Variants in MYH10 observed in about 807,000 individuals in gnomAD.
MYH10 encodes myosin-10.
In MYH10, 55 loss-of-function variants were observed where a neutral mutation model predicts 257.8. That is an observed-to-expected ratio of 0.21 (90% CI 0.17 to 0.27). MYH10 has a LOEUF of 0.27. Among genes scored for constraint, MYH10 ranks in the 10% least tolerant of loss-of-function variants. The pLI, the probability that MYH10 is intolerant of heterozygous loss-of-function variation, is 1.00. For missense variants in MYH10, 1,631 were observed against 2,500.6 expected (o/e 0.65, Z 7.42); for synonymous variants, 854 against 921.7 (o/e 0.93, Z 1.33).
chr17:8,499,067 GTTC>G (rs1037965206), intron 30 of MYH10, among the ~76,000 whole-genome samples, 200 bp downstream of exon 30: 3 of 152,160 alleles, frequency 2.0e-5, no homozygotes, highest in African/African-American at 7.2e-5. Flanking sequence ...ATCATGCTGT[GTTC>G]TTCTTAAAAT....
intron 7 of MYH10, among the ~76,000 whole-genome samples, chr17:8,564,857 G>C (rs1308727818): frequency 6.6e-6 from 1 of 152,116 alleles, no homozygotes. Flanking sequence ...AAATAAACAG[G>C]ATACTGTGAT....
intron 2 of MYH10, among the ~76,000 whole-genome samples, chr17:8,614,307 C>CTTTTTTTTTTTTTT (rs35801623): frequency 2.6e-5 from 2 of 77,122 alleles, no homozygotes; most frequent in Non-Finnish European, 4.9e-5. Flanking sequence ...CAATTCACTT[C>CTTTTTTTTTTTTTT]TTTTTTTTTT....
intron 7 of MYH10, among the ~76,000 whole-genome samples, chr17:8,555,479 A>G (rs757016590): frequency 6.6e-6 from 1 of 152,242 alleles, no homozygotes; most frequent in Non-Finnish European, 1.5e-5. Flanking sequence ...GGAATTGATC[A>G]TGTATGTAAG....
intron 33 of MYH10, 122 bp from the exon 34 acceptor site, chr17:8,492,631 C>CTTTTTTTTTTTTTTTTTTTTTTCTTT: frequency 1.1e-6 from 1 of 949,304 alleles, no homozygotes; most frequent in Non-Finnish European, 1.5e-6. Flanking sequence ...CTTGTATTTC[C>CTTTTTTTTTTTTTTTTTTTTTTCTTT]TTTTTTTTTT....
chr17:8,619,857 G>A (rs953172381), intron 2 of MYH10, among the ~76,000 whole-genome samples: 2 of 151,948 alleles, frequency 1.3e-5, no homozygotes, highest in African/African-American at 2.4e-5. Flanking sequence ...ACCGGGAGGC[G>A]GAGGTTGCGA....
chr17:8,477,386 C>T lies in MYH10; in HGVS notation c.5707-338G>A, dbSNP rs1912858980. On this transcript the variant is annotated intron_variant, in intron 41 of 42. Coordinates refer to ENST00000360416, the MANE Select transcript of MYH10 (RefSeq NM_001256012.3). This position sits in a 1 kb window ranked among gnomAD's most constrained non-coding sequence, Gnocchi z 4.2. ...AAAGGGAATTGCTATTCTTGCAAAA[C>T]GTGGAAGAACCAGCAATGTGGGACA... Among the ~76,000 whole-genome samples the T allele has an allele frequency of 6.6e-6, 1 of 152,128 alleles. No individual in the cohort carries two copies. The highest frequency in any genetic ancestry group is 6.5e-5 in the Admixed American group (1 of 15,276).
chr17:8,491,466 C>A (rs983059413), intron 34 of MYH10, among the ~76,000 whole-genome samples: 1 of 152,210 alleles, frequency 6.6e-6, no homozygotes, highest in Non-Finnish European at 1.5e-5. Context: ...AAAGGTGGGA[C>A]CACCTTCGCT....
chr17:8,621,406 C>T (rs768670974), intron 2 of MYH10, among the ~76,000 whole-genome samples: 3 of 152,042 alleles, frequency 2.0e-5, no homozygotes, highest in African/African-American at 7.3e-5. Context: ...ACTCCAAAGA[C>T]GGCCACTGAA....
At position 8,521,052 on chromosome 17, in the gene MYH10, T is replaced by C; in HGVS notation, c.2151+40A>G. Reference sequence around the variant, plus strand: ...TTTAATCTTTAGCATCTGACCTAGATCAGTTTTAAATACTAGCATATGTTT... The same window carrying C: ...TTTAATCTTTAGCATCTGACCTAGACCAGTTTTAAATACTAGCATATGTTT... On this transcript the variant is annotated intron_variant, in intron 18 of 42. Coordinates refer to ENST00000360416, the MANE Select transcript of MYH10 (RefSeq NM_001256012.3). 4 of 1,612,700 alleles carry C rather than the reference T, an allele frequency of 2.5e-6. No individual in the cohort carries two copies. In the East Asian group the frequency reaches 6.7e-5, roughly 27 times the overall value.
At chr17:8,511,061 C>CATATATATATATATATAT (rs1567823709) in intron 24 of MYH10, 2 of 65,696 alleles carry the variant, frequency 3.0e-5, no homozygotes, top group Non-Finnish European at 7.0e-5. Flanking sequence ...TATATATATA[C>CATATATATATATATATAT]ACACATACAT....
At chr17:8,502,480 T>TTGTGTGTATGTG (rs2080926372) in intron 28 of MYH10, among the ~76,000 whole-genome samples, 1 of 150,142 alleles carries the variant, frequency 6.7e-6, no homozygotes, top group Non-Finnish European at 1.5e-5. Context: ...GGGAAAATAG[T>TTGTGTGTATGTG]TGTGTGTGTG....
intron 4 of MYH10, 121 bp downstream of exon 4, chr17:8,588,960 C>G: frequency 1.1e-6 from 1 of 899,722 alleles, no homozygotes; most frequent in South Asian, 1.5e-5. Context: ...AAAATAACTG[C>G]GAGGTTTACA....
intron 25 of MYH10, 56 bp downstream of exon 25, chr17:8,509,756 A>G (rs2081198003): frequency 6.6e-7 from 1 of 1,520,694 alleles, no homozygotes; most frequent in East Asian, 2.3e-5. Context: ...TCAACATAAT[A>G]TTATATAAAT....
Position 8,477,155 on chromosome 17 carries a change from GCACGCGTGTACACGGATGTA to G in MYH10, c.5707-127_5707-108del. The G allele has an allele frequency of 7.7e-7, 1 of 1,300,682 alleles. No individual in the cohort carries two copies. The highest frequency in any genetic ancestry group is 1.5e-5 in the African/African-American group (1 of 68,822). 80.6% of individuals were successfully genotyped at this position (1,300,682 alleles called of 1,614,324 possible). A position where few individuals can be genotyped will look rare whatever the true frequency, so the allele number is the denominator to read the frequency against. On this transcript the variant is annotated intron_variant, in intron 41 of 42. Coordinates refer to ENST00000360416, the MANE Select transcript of MYH10 (RefSeq NM_001256012.3). The surrounding 1 kb of genome is among the most constrained non-coding windows in gnomAD (Gnocchi z 4.2). ...GGGGCTCTGCCTGTTACCCTTGTGA[GCACGCGTGTACACGGATGTA>G]CACGCGTGCCTGGGGGCTGGTCGGA...
rs114408738 is a variant in MYH10 at position 8,570,191 on chromosome 17, G to T, written c.664-379C>A. The stretch of plus-strand genomic sequence containing the variant: ...ATTAATACTTGTTTATTTTAACTCT[G>T]CCTTATTTGAAAACTTTAAGGCAGT... On this transcript the variant is annotated intron_variant, in intron 6 of 42. Coordinates refer to ENST00000360416, the MANE Select transcript of MYH10 (RefSeq NM_001256012.3). 6.1e-3 allele frequency among the ~76,000 whole-genome samples: 935 copies of T among 152,306 alleles called. 11 individuals carry two copies. Among genetic ancestry groups the T allele is most frequent in the African/African-American group, 0.021 (875 of 41,564 alleles).
chr17:8,552,162 A>G lies in MYH10; in HGVS notation c.821-18T>C. On this transcript the variant is annotated intron_variant, in intron 8 of 42. Transcript: ENST00000360416. This position sits in a 1 kb window ranked among gnomAD's most constrained non-coding sequence, Gnocchi z 4.8. ...CAGAAGGTCTGAGCAAAGACAGTTA[A>G]GAATTAAATTATTTAATATAATTCT... 7.3e-7 allele frequency: 1 copy of G among 1,372,020 alleles called. No individual in the cohort carries two copies. The allele number at this position is 1,372,020 out of a possible 1,614,324, so 85.0% of individuals were successfully genotyped here.
chr17:8,521,990 G>A (rs1311010133), intron 17 of MYH10, among the ~76,000 whole-genome samples: 3 of 152,176 alleles, frequency 2.0e-5, no homozygotes, highest in Non-Finnish European at 2.9e-5. Flanking sequence ...ACATTCCCTT[G>A]TTACAGCAAC....
intron 12 of MYH10, among the ~76,000 whole-genome samples, 196 bp downstream of exon 12, chr17:8,546,348 C>T (rs538905397): frequency 1.6e-4 from 25 of 151,872 alleles, no homozygotes; most frequent in South Asian, 6.3e-4. Flanking sequence ...TGTGAGCCAC[C>T]GGCCCCGGCC....
intron 3 of MYH10, among the ~76,000 whole-genome samples, chr17:8,601,722 TTTCA>T (rs960601540): frequency 6.8e-4 from 103 of 152,344 alleles, no homozygotes; most frequent in African/African-American, 2.4e-3. Context: ...AGAACTCTGC[TTTCA>T]TTCATTCATT....
Sources: allele counts gnomAD v4.1 joint callset (sites outside exome capture counted in the v4.1 genomes callset), GRCh38; gene constraint gnomAD v4.1.1; non-coding constraint Gnocchi (gnomAD v3.1); transcripts MANE v1.5; gene names NCBI Gene and HGNC (gene_info 2026-07-23, HGNC 2026-07-21).